EFNA5: variants seen among roughly 807,000 people sequenced by gnomAD.
EFNA5 encodes the protein ephrin-A5.
EFNA5 carries 5 observed loss-of-function variants against 22.9 expected under a neutral mutation model. That is an observed-to-expected ratio of 0.22 (90% CI 0.11 to 0.46). The LOEUF is 0.46. Among genes scored for constraint, EFNA5 ranks in the 20% least tolerant of loss-of-function variants. The pLI, the probability that EFNA5 is intolerant of heterozygous loss-of-function variation, is 0.99. For synonymous variants in EFNA5, 113 were observed against 112.2 expected, an observed-to-expected ratio of 1.01 and a Z score of -0.04; for missense variants, 237 against 293.3, an observed-to-expected ratio of 0.81 and a Z score of 1.40.
At chr5:107,488,149 G>A (rs1275277448) in intron 1 of EFNA5, among the ~76,000 whole-genome samples, 1 of 152,132 alleles carries the variant, frequency 6.6e-6, no homozygotes, top group African/African-American at 2.4e-5. Context: ...AGTCCCATGT[G>A]GGAGATAACA....
At chr5:107,382,155 T>C (rs1280991071) in intron 4 of EFNA5, among the ~76,000 whole-genome samples, 1 of 152,178 alleles carries the variant, frequency 6.6e-6, no homozygotes, top group Non-Finnish European at 1.5e-5. Context: ...CTTCTTTTAT[T>C]TAGCTATAAA....
intron 1 of EFNA5, among the ~76,000 whole-genome samples, chr5:107,569,547 G>GTATATATATATTTATA (rs1456851459): frequency 9.6e-6 from 1 of 104,422 alleles, no homozygotes; most frequent in Admixed American, 1.2e-4. Context: ...ATATATGTGT[G>GTATATATATATTTATA]TATATATATA....
chr5:107,480,389 G>A (rs749766852), intron 1 of EFNA5, among the ~76,000 whole-genome samples: 7 of 152,192 alleles, frequency 4.6e-5, no homozygotes, highest in Non-Finnish European at 8.8e-5. Context: ...TATCAAAGAT[G>A]CTCTCTGCTT....
At chr5:107,650,690 G>A (rs1047839762) in intron 1 of EFNA5, among the ~76,000 whole-genome samples, 5 of 152,146 alleles carry the variant, frequency 3.3e-5, no homozygotes, top group Non-Finnish European at 5.9e-5. Context: ...AAAATTTCCT[G>A]ACTGTATGAT....
chr5:107,430,124 T>C (rs1748909649), intron 1 of EFNA5, among the ~76,000 whole-genome samples: 1 of 152,210 alleles, frequency 6.6e-6, no homozygotes, highest in African/African-American at 2.4e-5. Flanking sequence ...TACTTTTTCT[T>C]CATTACTAGC....
At chr5:107,385,902 TACAC>T (rs963492664) in intron 4 of EFNA5, among the ~76,000 whole-genome samples, 3 of 152,172 alleles carry the variant, frequency 2.0e-5, no homozygotes, top group African/African-American at 7.2e-5. Context: ...GAGCTCATTG[TACAC>T]ACCTCTCATT....
chr5:107,408,440 T>C (rs1748277250), intron 2 of EFNA5, among the ~76,000 whole-genome samples: 1 of 152,234 alleles, frequency 6.6e-6, no homozygotes, highest in Non-Finnish European at 1.5e-5. Flanking sequence ...CTAGGGCTAT[T>C]GAAAAGAACT....
intron 1 of EFNA5, among the ~76,000 whole-genome samples, chr5:107,494,341 C>G (rs1339432760): frequency 1.3e-5 from 2 of 152,198 alleles, no homozygotes; most frequent in African/African-American, 4.8e-5. Flanking sequence ...GCACTGGGAG[C>G]AGCCGGCCGG....
intron 1 of EFNA5, among the ~76,000 whole-genome samples, chr5:107,591,999 A>AATATATAATATATAATATATAAT (rs1749368322): frequency 2.4e-5 from 1 of 41,102 alleles, no homozygotes; most frequent in Non-Finnish European, 4.2e-5. Context: ...TAATATATAT[A>AATATATAATATATAATATATAAT]ATATATAATA....
At chr5:107,409,272 A>G (rs1222195700) in intron 2 of EFNA5, among the ~76,000 whole-genome samples, 1 of 152,232 alleles carries the variant, frequency 6.6e-6, no homozygotes, top group Non-Finnish European at 1.5e-5. Flanking sequence ...TAGCTTCAGA[A>G]GACATCAAAA....
intron 1 of EFNA5, among the ~76,000 whole-genome samples, chr5:107,596,700 C>G (rs551427118): frequency 6.6e-6 from 1 of 152,146 alleles, no homozygotes; most frequent in African/African-American, 2.4e-5. Context: ...ATTGAAATGT[C>G]TCTCTCTCCC....
chr5:107,480,359 T>C (rs1273828556), intron 1 of EFNA5, among the ~76,000 whole-genome samples: 1 of 152,250 alleles, frequency 6.6e-6, no homozygotes, highest in African/African-American at 2.4e-5. Flanking sequence ...CTTCTTGCCC[T>C]GTGAAGGGGT....
At chr5:107,580,970 G>A (rs910878357) in intron 1 of EFNA5, among the ~76,000 whole-genome samples, 7 of 152,174 alleles carry the variant, frequency 4.6e-5, no homozygotes, top group Admixed American at 2.0e-4. Flanking sequence ...AGTACGTTGA[G>A]AATATGTTTT....
At chr5:107,578,632 A>G (rs1748976012) in intron 1 of EFNA5, among the ~76,000 whole-genome samples, 1 of 152,166 alleles carries the variant, frequency 6.6e-6, no homozygotes, top group Admixed American at 6.5e-5. Flanking sequence ...GGCAAGAGGC[A>G]CCCTTATAAG....
intron 1 of EFNA5, among the ~76,000 whole-genome samples, chr5:107,588,767 A>T (rs1035680172): frequency 6.6e-6 from 1 of 152,220 alleles, no homozygotes; most frequent in Non-Finnish European, 1.5e-5. Flanking sequence ...GTAGAGAGGG[A>T]TAGGAAGAGA....
intron 4 of EFNA5, among the ~76,000 whole-genome samples, chr5:107,382,287 G>C (rs1271789859): frequency 3.3e-5 from 5 of 152,182 alleles, no homozygotes; most frequent in Admixed American, 2.6e-4. Context: ...GGCTTGCCTA[G>C]GAGCCAAGCT....
intron 1 of EFNA5, among the ~76,000 whole-genome samples, chr5:107,528,375 TG>T (rs1482455818): frequency 1.4e-5 from 2 of 145,852 alleles, no homozygotes; most frequent in Non-Finnish European, 3.0e-5. Context: ...AAAACAGTTT[TG>T]TTTTTTAGTT....
chr5:107,496,736 A>G (rs999207857), intron 1 of EFNA5, among the ~76,000 whole-genome samples: 8 of 152,240 alleles, frequency 5.3e-5, no homozygotes, highest in Non-Finnish European at 8.8e-5. Context: ...TGGATGACCC[A>G]TTCCTGGGGA....
chr5:107,656,288 T>G (rs1750819819), intron 1 of EFNA5, among the ~76,000 whole-genome samples: 1 of 152,160 alleles, frequency 6.6e-6, no homozygotes, highest in Non-Finnish European at 1.5e-5. Context: ...TCAAAATCCC[T>G]TTCCCGGGAA....
Sources: gnomAD v4.1 joint callset for allele counts (sites outside exome capture counted in the v4.1 genomes callset) on GRCh38, gnomAD v4.1.1 for gene constraint, MANE v1.5 for transcripts, NCBI Gene and HGNC (gene_info 2026-07-23, HGNC 2026-07-21) for gene names.